The following SCAPER variants were observed in gnomAD, a reference collection of about 807,000 sequenced individuals.
SCAPER encodes the protein S phase cyclin A-associated protein in the endoplasmic reticulum.
In SCAPER, 98 loss-of-function variants were observed where a neutral mutation model predicts 182.2. The ratio of observed to expected loss-of-function variants is 0.54; its 90% CI spans 0.46 to 0.64. The LOEUF (loss-of-function observed/expected upper bound fraction) is 0.64, where lower values mean the gene tolerates loss of function less well. SCAPER is among the 30% of genes least tolerant of loss of function. The probability of loss-of-function intolerance (pLI) is 0.00; values close to 1 mark genes in which losing one functional copy is unlikely to be tolerated. For synonymous variants in SCAPER, 605 were observed against 564.6 expected (o/e 1.07, Z -1.01); for missense variants, 1,432 against 1,690.0 (o/e 0.85, Z 2.68).
At chr15:76,516,383 C>A (rs567641326) in intron 23 of SCAPER, among the ~76,000 whole-genome samples, 1 of 150,482 alleles carries the variant, frequency 6.6e-6, no homozygotes, top group African/African-American at 2.4e-5. Context: ...ACCCCACCCC[C>A]GCAACTGGCC....
intron 8 of SCAPER, among the ~76,000 whole-genome samples, chr15:76,790,103 C>T (rs923512380): frequency 1.8e-4 from 27 of 151,836 alleles, no homozygotes; most frequent in African/African-American, 6.3e-4. Context: ...TGGTGGCGGG[C>T]GCCTGTAATC....
At chr15:76,410,403 A>C (rs1478146156) in intron 26 of SCAPER, among the ~76,000 whole-genome samples, 1 of 152,224 alleles carries the variant, frequency 6.6e-6, no homozygotes, top group African/African-American at 2.4e-5. Flanking sequence ...GATTAATTCT[A>C]TAATAGAGGT....
At chr15:76,420,910 GGTTT>G (rs1217831505) in intron 26 of SCAPER, among the ~76,000 whole-genome samples, 2 of 152,100 alleles carry the variant, frequency 1.3e-5, no homozygotes, top group African/African-American at 4.8e-5. Context: ...TGAGAATGAT[GGTTT>G]CTAGATTCAT....
intron 23 of SCAPER, among the ~76,000 whole-genome samples, chr15:76,571,252 A>C (rs1435589767): frequency 2.0e-5 from 3 of 152,144 alleles, no homozygotes; most frequent in Non-Finnish European, 4.4e-5. Flanking sequence ...TGATGCTTTT[A>C]AGAAAACTGC....
intron 1 of SCAPER, among the ~76,000 whole-genome samples, chr15:76,898,327 G>T (rs140594146): frequency 7.3e-4 from 111 of 152,258 alleles, no homozygotes; most frequent in African/African-American, 2.6e-3. Context: ...AGCTGGTTTG[G>T]TAACAATCTG....
intron 24 of SCAPER, among the ~76,000 whole-genome samples, chr15:76,473,237 C>A (rs551207250): frequency 6.6e-6 from 1 of 152,138 alleles, no homozygotes. Context: ...AGTGGCTTTC[C>A]GATTTTGCTA....
At chr15:76,857,202 G>C (rs1476717681) in intron 4 of SCAPER, among the ~76,000 whole-genome samples, 1 of 152,158 alleles carries the variant, frequency 6.6e-6, no homozygotes, top group Admixed American at 6.5e-5. Flanking sequence ...GGAGGCCAAG[G>C]CAGGTGGATC....
chr15:76,803,684 G>A (rs2065941640), intron 6 of SCAPER, among the ~76,000 whole-genome samples: 1 of 151,988 alleles, frequency 6.6e-6, no homozygotes, highest in African/African-American at 2.4e-5. Context: ...TTCACATGGT[G>A]GAGGGGTAAC....
At chr15:76,783,111 A>T (rs1003266795) in intron 8 of SCAPER, among the ~76,000 whole-genome samples, 5 of 152,162 alleles carry the variant, frequency 3.3e-5, no homozygotes, top group African/African-American at 1.2e-4. Context: ...TTTTGAAAAG[A>T]TCAACCAAAT....
chr15:76,792,616 A>T (rs1417338972), intron 8 of SCAPER, among the ~76,000 whole-genome samples: 1 of 152,254 alleles, frequency 6.6e-6, no homozygotes, highest in Non-Finnish European at 1.5e-5. Context: ...CCTTGTTGGA[A>T]GCCAGATGAC....
intron 28 of SCAPER, chr15:76,380,351 G>A (rs1051928298): frequency 1.3e-5 from 2 of 152,054 alleles, no homozygotes; most frequent in Admixed American, 1.3e-4. Flanking sequence ...AGGGATTTCT[G>A]TTCTTGTGAC....
intron 24 of SCAPER, among the ~76,000 whole-genome samples, chr15:76,483,266 C>T (rs140708204): frequency 4.6e-4 from 66 of 144,546 alleles, no homozygotes; most frequent in African/African-American, 1.6e-3. Flanking sequence ...TTTCAACAAA[C>T]GGTGCTAGAA....
chr15:76,572,915 T>TCACACACACACA (rs376553582), intron 23 of SCAPER, among the ~76,000 whole-genome samples: 36 of 131,256 alleles, frequency 2.7e-4, no homozygotes, highest in East Asian at 2.1e-3. Flanking sequence ...TCTCTCTCTC[T>TCACACACACACA]CTCTCACACA....
In SCAPER at chr15:76,702,885, C is replaced by A. The variant is rs1598261114; in HGVS notation, c.2365G>T (p.Glu789Ter). ...CAGAGAGAACACTGCTTCTTTCTTT[C>A]ATAAGGGGTCAGTTTGGGGGCATAA... ...TDYAPKLTPY[E>*]RKKQCSLCNV... The change falls in exon 19 of 32, where the codon GAA (glutamate) becomes TAA (stop). Residue 789 changes from glutamate to a stop codon, truncating the protein, a stop_gained. Coordinates refer to ENST00000563290, the MANE Select transcript of SCAPER (RefSeq NM_020843.4). LOFTEE classifies it high-confidence loss of function. 6.2e-7 allele frequency: 1 copy of A among 1,608,844 alleles called. No homozygotes were observed. The highest frequency in any genetic ancestry group is 2.2e-5 in the East Asian group (1 of 44,732).
chr15:76,854,213 G>A (rs974927502), intron 4 of SCAPER, among the ~76,000 whole-genome samples: 4 of 152,068 alleles, frequency 2.6e-5, no homozygotes, highest in Middle Eastern at 3.4e-3. Flanking sequence ...AGGTTGTGGT[G>A]AGCCGAGATC....
At chr15:76,494,692 T>C (rs770926731) in intron 24 of SCAPER, among the ~76,000 whole-genome samples, 1 of 152,158 alleles carries the variant, frequency 6.6e-6, no homozygotes, top group African/African-American at 2.4e-5. Flanking sequence ...TAGTACTTTT[T>C]GCTTACTCTT....
At chr15:76,609,048 C>T (rs114347635) in intron 22 of SCAPER, among the ~76,000 whole-genome samples, 9 of 152,336 alleles carry the variant, frequency 5.9e-5, no homozygotes, top group Non-Finnish European at 5.9e-5. Context: ...TACTGTCTGG[C>T]ACTCCCCATT....
chr15:76,740,388 T>C (rs188155844), intron 15 of SCAPER, among the ~76,000 whole-genome samples: 8 of 152,278 alleles, frequency 5.3e-5, no homozygotes, highest in African/African-American at 1.9e-4. Context: ...CTTACATTAC[T>C]TCATAAAAAA....
intron 4 of SCAPER, among the ~76,000 whole-genome samples, chr15:76,853,942 T>C (rs1283863590): frequency 6.6e-6 from 1 of 152,180 alleles, no homozygotes; most frequent in Non-Finnish European, 1.5e-5. Flanking sequence ...AAAAGCTCCT[T>C]AGCTGATAAA....
Sources: allele counts gnomAD v4.1 joint callset (sites outside exome capture counted in the v4.1 genomes callset), GRCh38; gene constraint gnomAD v4.1.1; transcripts MANE v1.5; gene names NCBI Gene and HGNC (gene_info 2026-07-23, HGNC 2026-07-21).